Variants in LTBP1 observed in about 807,000 individuals in gnomAD.
The protein encoded by LTBP1 is latent-transforming growth factor beta-binding protein 1.
In LTBP1, 129 loss-of-function variants were observed where a neutral mutation model predicts 207.6. The ratio of observed to expected loss-of-function variants is 0.62; its 90% CI spans 0.54 to 0.72. LTBP1 has a LOEUF of 0.72. LTBP1 is among the 30% of genes least tolerant of loss of function. The pLI is 0.00. For synonymous variants in LTBP1, 963 were observed against 833.7 expected, an observed-to-expected ratio of 1.16 and a Z score of -2.67; for missense variants, 2,281 against 2,217.2, an observed-to-expected ratio of 1.03 and a Z score of -0.58.
rs61065486 is a variant in LTBP1 at position 33,121,159 on chromosome 2, C to CTTTTTTTTTTTTTTTTTTTTTTTTTTTT, written c.1033+10432_1033+10433insTTTTTTTTTTTTTTTTTTTTTTTTTTTT. Among the ~76,000 whole-genome samples, 2 of 87,536 alleles carry CTTTTTTTTTTTTTTTTTTTTTTTTTTTT rather than the reference C, an allele frequency of 2.3e-5. 1 individual carries two copies. 57.4% of individuals were successfully genotyped at this position (87,536 alleles called of 152,430 possible). ...TCAGTGGAAATAAATTTTGTAAAGT[C>CTTTTTTTTTTTTTTTTTTTTTTTTTTTT]TTTTTTTTTTTTTTTTTTTTTTTTA... On this transcript the variant is annotated intron_variant, in intron 4 of 33. Transcript: ENST00000404816.
chr2:33,332,508 T>C (rs552980661), intron 24 of LTBP1, among the ~76,000 whole-genome samples: 25 of 151,636 alleles, frequency 1.6e-4, no homozygotes, highest in African/African-American at 6.0e-4. Context: ...ATATTTGACA[T>C]ATTTCTTAAT....
intron 31 of LTBP1, among the ~76,000 whole-genome samples, chr2:33,370,572 C>T (rs963314519): frequency 3.0e-4 from 46 of 152,162 alleles, no homozygotes; most frequent in Admixed American, 2.9e-3. Flanking sequence ...TTAAAACCTA[C>T]GTTAATGCTG....
intron 26 of LTBP1, among the ~76,000 whole-genome samples, chr2:33,357,842 T>A (rs1308428287): frequency 6.6e-6 from 1 of 152,106 alleles, no homozygotes; most frequent in Non-Finnish European, 1.5e-5. Context: ...AGAAAAAGAG[T>A]ATTCATTTTT....
chr2:33,191,120 G>T (rs936021570), intron 7 of LTBP1, among the ~76,000 whole-genome samples: 3 of 152,160 alleles, frequency 2.0e-5, no homozygotes, highest in Non-Finnish European at 4.4e-5. Context: ...TTTTAAAATT[G>T]TGTGCCCAGT....
chr2:33,171,475 C>G (rs1209390903), intron 5 of LTBP1, among the ~76,000 whole-genome samples: 1 of 150,450 alleles, frequency 6.6e-6, no homozygotes, highest in Admixed American at 6.7e-5. Context: ...TAAAAAGAAA[C>G]GAACAAAGCC....
chr2:33,176,390 T>C (rs1438601986), intron 5 of LTBP1, among the ~76,000 whole-genome samples: 1 of 152,016 alleles, frequency 6.6e-6, no homozygotes, highest in African/African-American at 2.4e-5. Context: ...CACGCCCGGC[T>C]AATTTTTTGT....
At chr2:33,145,950 C>T (rs1236075854) in intron 5 of LTBP1, among the ~76,000 whole-genome samples, 1 of 152,182 alleles carries the variant, frequency 6.6e-6, no homozygotes, top group Non-Finnish European at 1.5e-5. Context: ...ATTATCATTT[C>T]CCTTCTGTCA....
At chr2:33,269,361 A>G (rs780989217) in intron 15 of LTBP1, among the ~76,000 whole-genome samples, 4 of 152,180 alleles carry the variant, frequency 2.6e-5, no homozygotes, top group Admixed American at 1.3e-4. Flanking sequence ...CAAAAGAAAT[A>G]GAATAAGGTC....
intron 2 of LTBP1, 22 bp downstream of exon 2, chr2:32,948,967 G>A (rs765896819): frequency 3.7e-6 from 6 of 1,613,604 alleles, no homozygotes; most frequent in Non-Finnish European, 4.2e-6. Context: ...TGTTCACAGT[G>A]GCCCTGCACA....
chr2:33,354,511 C>T (rs1573983951), intron 26 of LTBP1, among the ~76,000 whole-genome samples: 1 of 152,092 alleles, frequency 6.6e-6, no homozygotes, highest in Admixed American at 6.5e-5. Flanking sequence ...TTTCTTCCCA[C>T]ATCCAGCGAT....
rs895907957 is a variant in LTBP1, at chr2:32,966,471, C to T, written c.565+17526C>T. On this transcript the variant is annotated intron_variant, in intron 2 of 33. Coordinates refer to ENST00000404816, the MANE Select transcript of LTBP1 (RefSeq NM_206943.4). ...ATTCTTGCCTTATTCATGATCTTAG[C>T]AGGAAAACTAGTTGCTCACCATTAA... is the stretch of plus-strand genomic sequence containing the variant. Among the ~76,000 whole-genome samples the T allele has an allele frequency of 2.6e-5, 4 of 152,108 alleles. No homozygotes were observed. In the East Asian group the frequency reaches 7.7e-4, roughly 29 times the overall value.
intron 31 of LTBP1, among the ~76,000 whole-genome samples, chr2:33,381,139 A>AT (rs2095209672): frequency 6.6e-6 from 1 of 152,068 alleles, no homozygotes; most frequent in South Asian, 2.1e-4. Context: ...CTCATTCCTG[A>AT]TTTCCTATGA....
intron 9 of LTBP1, among the ~76,000 whole-genome samples, chr2:33,230,418 T>G (rs1041600021): frequency 2.6e-5 from 4 of 152,190 alleles, no homozygotes; most frequent in Admixed American, 2.6e-4. Flanking sequence ...AGGGATGATT[T>G]ATTACATATA....
At chr2:32,959,621 A>ATATATT (rs1475834284) in intron 2 of LTBP1, among the ~76,000 whole-genome samples, 3 of 36,670 alleles carry the variant, frequency 8.2e-5, no homozygotes, top group East Asian at 7.1e-4. Flanking sequence ...ATATATATAT[A>ATATATT]TTTTTTTTTT....
chr2:33,070,602 C>T (rs938054214), intron 3 of LTBP1, among the ~76,000 whole-genome samples: 3 of 152,234 alleles, frequency 2.0e-5, no homozygotes, highest in African/African-American at 7.2e-5. Context: ...TCCCAGAAGC[C>T]CAAGGGCCAC....
chr2:33,003,244 A>G (rs1686308175), intron 2 of LTBP1, among the ~76,000 whole-genome samples: 2 of 152,216 alleles, frequency 1.3e-5, no homozygotes, highest in Non-Finnish European at 2.9e-5. Context: ...GAGAGCCAGT[A>G]TGTTGGTCCT....
intron 2 of LTBP1, among the ~76,000 whole-genome samples, chr2:32,997,945 A>C (rs1685533178): frequency 6.6e-6 from 1 of 152,092 alleles, no homozygotes; most frequent in African/African-American, 2.4e-5. Context: ...GATTTATGAG[A>C]AAGTGTTGTA....
At chr2:33,374,545 T>C (rs1467429392) in intron 31 of LTBP1, among the ~76,000 whole-genome samples, 1 of 152,184 alleles carries the variant, frequency 6.6e-6, no homozygotes, top group Non-Finnish European at 1.5e-5. Context: ...ACAGAGAATA[T>C]CTATAAAACA....
At chr2:33,329,439 C>T (rs1446769405) in intron 24 of LTBP1, among the ~76,000 whole-genome samples, 1 of 152,068 alleles carries the variant, frequency 6.6e-6, no homozygotes, top group Non-Finnish European at 1.5e-5. Context: ...TATTTCAGAT[C>T]AGTATTTTTT....
Sources: allele counts gnomAD v4.1 joint callset (sites outside exome capture counted in the v4.1 genomes callset), GRCh38; gene constraint gnomAD v4.1.1; transcripts MANE v1.5; gene names NCBI Gene and HGNC (gene_info 2026-07-23, HGNC 2026-07-21).